Variants in TFEB observed in about 807,000 individuals in gnomAD.
TFEB encodes transcription factor EB.
Under a neutral mutation model 48.0 loss-of-function variants are expected in TFEB, and 12 were observed. The ratio of observed to expected loss-of-function variants is 0.25; its 90% CI spans 0.16 to 0.40. The LOEUF is 0.40. Among genes scored for constraint, TFEB ranks in the 10% least tolerant of loss-of-function variants. The pLI is 1.00. For missense variants in TFEB, 509 were observed against 640.3 expected, an observed-to-expected ratio of 0.79 and a Z score of 2.21; for synonymous variants, 244 against 261.4, an observed-to-expected ratio of 0.93 and a Z score of 0.64.
Position 41,684,546 on chromosome 6 carries a change from G to A in TFEB, c.*53C>T. The A allele has an allele frequency of 6.7e-7, 1 of 1,498,610 alleles. No individual in the cohort carries two copies. Among genetic ancestry groups the A allele is most frequent in the Non-Finnish European group, 8.9e-7 (1 of 1,126,148 alleles). 92.8% of individuals were successfully genotyped at this position (1,498,610 alleles called of 1,614,324 possible). On this transcript the variant is annotated 3_prime_UTR_variant, in exon 9 of 9. Coordinates refer to ENST00000373033, the MANE Select transcript of TFEB (RefSeq NM_001271944.2). ...GAAGGGTGGGAGGGAGGTGCCCCTG[G>A]CCCTCCCAGCCCCCAGGCCGGCCCC...
intron 1 of TFEB, among the ~76,000 whole-genome samples, chr6:41,711,531 G>A (rs1442470839): frequency 6.6e-6 from 1 of 152,154 alleles, no homozygotes; most frequent in Non-Finnish European, 1.5e-5. Context: ...CTGTCCCCAA[G>A]GTCCAGCCCT....
chr6:41,690,732 G>C lies in TFEB; in HGVS notation c.399C>G (p.Ser133=). ...PGVRAGHVLS[S]SAGNSAPNSP... is the part of the protein sequence containing the mutation. Reference sequence around the variant, plus strand: ...TATTGGGAGCACTGTTGCCAGCGGAGGAGGACAGCACGTGTCCAGCTCGCA... The same window carrying C: ...TATTGGGAGCACTGTTGCCAGCGGACGAGGACAGCACGTGTCCAGCTCGCA... The change falls in exon 3 of 9, where the codon TCC becomes TCG. Residue 133 remains serine, a synonymous_variant. Coordinates refer to ENST00000373033, the MANE Select transcript of TFEB (RefSeq NM_001271944.2). 1 of 1,594,376 alleles carries C rather than the reference G, an allele frequency of 6.3e-7. No homozygotes were observed. Among genetic ancestry groups the C allele is most frequent in the South Asian group, 1.1e-5 (1 of 89,362 alleles).
rs1242766673 is a variant in TFEB, at chr6:41,724,296, T to C, written c.-23+11054A>G. Among the ~76,000 whole-genome samples, 1 of 152,184 alleles carries C rather than the reference T, an allele frequency of 6.6e-6. No homozygotes were observed. Among genetic ancestry groups the C allele is most frequent in the African/African-American group, 2.4e-5 (1 of 41,434 alleles). ...TCCCATCGTTGATAAGCAAATACCC[T>C]GTATTAAGAAAGGTTAAGCTATTAT... On this transcript the variant is annotated intron_variant, in intron 1 of 8. Coordinates refer to ENST00000373033, the MANE Select transcript of TFEB (RefSeq NM_001271944.2). The surrounding 1 kb of genome is among the most constrained non-coding windows in gnomAD (Gnocchi z 4.4).
chr6:41,704,671 C>T (rs1178570338), intron 1 of TFEB, among the ~76,000 whole-genome samples: 1 of 152,244 alleles, frequency 6.6e-6, no homozygotes, highest in Non-Finnish European at 1.5e-5. Context: ...ACATTAAAGA[C>T]ACTTTACTTG....
At chr6:41,711,648 G>C in intron 1 of TFEB, among the ~76,000 whole-genome samples, 1 of 152,204 alleles carries the variant, frequency 6.6e-6, no homozygotes, top group South Asian at 2.1e-4. Context: ...GACAGACAGG[G>C]GAACAAAAGG....
At chr6:41,689,853 G>T (rs1428105208) in intron 3 of TFEB, 42 bp from the exon 4 acceptor site, 3 of 1,544,372 alleles carry the variant, frequency 1.9e-6, no homozygotes, top group Middle Eastern at 1.7e-4. Flanking sequence ...CCCACCACGA[G>T]GTGGGCAGGG....
chr6:41,734,405 A>G lies in TFEB; in HGVS notation c.-23+945T>C, dbSNP rs2127282563. 1.0e-6 allele frequency: 1 copy of G among 984,600 alleles called. No individual in the cohort carries two copies. Among genetic ancestry groups the G allele is most frequent in the Admixed American group, 6.2e-5 (1 of 16,258 alleles). 61.0% of individuals were successfully genotyped at this position (984,600 alleles called of 1,614,324 possible). A position where few individuals can be genotyped will look rare whatever the true frequency, so the allele number is the denominator to read the frequency against. ...TCGGGGCAGCCGTGCGTGAAGCCGG[A>G]ACCCCGCGCGGGGAGGGGGCCGAGC... On this transcript the variant is annotated intron_variant, in intron 1 of 8. Coordinates refer to ENST00000373033, the MANE Select transcript of TFEB (RefSeq NM_001271944.2). This position sits in a 1 kb window ranked among gnomAD's most constrained non-coding sequence, Gnocchi z 4.0.
intron 1 of TFEB, 146 bp downstream of exon 1, chr6:41,735,204 T>A: frequency 1.1e-6 from 1 of 896,020 alleles, no homozygotes; most frequent in Non-Finnish European, 1.3e-6. Flanking sequence ...TGCGGGTGGG[T>A]GGCGGCGCGC....
intron 1 of TFEB, among the ~76,000 whole-genome samples, chr6:41,699,687 T>C (rs1005120964): frequency 1.3e-5 from 2 of 152,220 alleles, no homozygotes; most frequent in Non-Finnish European, 2.9e-5. Context: ...CTTCATAATA[T>C]AGCCTTTTAT....
rs1207976107 is a variant in TFEB at position 41,684,852 on chromosome 6, T to G, written c.1178A>C (p.His393Pro). Reference sequence around the variant, plus strand: ...GCTCAGGCTGTGGCTGAAGTCCAGGTGATGGAATGGGGATGGTGGCTGGGT... The same window carrying G: ...GCTCAGGCTGTGGCTGAAGTCCAGGGGATGGAATGGGGATGGTGGCTGGGT... ...LPTQPPSPFH[H>P]LDFSHSLSFG... Residue 393 changes from histidine to proline, a missense_variant, in exon 9 of 9, where the codon CAC becomes CCC. Transcript: ENST00000373033. The G allele has an allele frequency of 6.3e-7, 1 of 1,577,776 alleles. No individual in the cohort carries two copies. Among genetic ancestry groups the G allele is most frequent in the Non-Finnish European group, 8.6e-7 (1 of 1,159,994 alleles).
chr6:41,715,656 C>T (rs909519065), intron 1 of TFEB, among the ~76,000 whole-genome samples: 6 of 149,264 alleles, frequency 4.0e-5, no homozygotes, highest in Non-Finnish European at 7.4e-5. Flanking sequence ...GGCGACAGAG[C>T]GAGAATCTGT....
intron 1 of TFEB, among the ~76,000 whole-genome samples, chr6:41,721,780 C>T (rs145012709): frequency 2.6e-5 from 4 of 152,318 alleles, no homozygotes; most frequent in Non-Finnish European, 5.9e-5. Flanking sequence ...GAAACTGAGG[C>T]CTGAGGCCAA....
intron 1 of TFEB, among the ~76,000 whole-genome samples, chr6:41,698,758 T>C (rs1302042032): frequency 6.6e-6 from 1 of 152,104 alleles, no homozygotes; most frequent in Non-Finnish European, 1.5e-5. Flanking sequence ...AAGGAAGGGC[T>C]TTGTGGCCTC....
At chr6:41,711,797 T>C (rs1770491614) in intron 1 of TFEB, among the ~76,000 whole-genome samples, 1 of 152,134 alleles carries the variant, frequency 6.6e-6, no homozygotes, top group South Asian at 2.1e-4. Flanking sequence ...ACCCTCACCT[T>C]GGCAGGGGGG....
Position 41,728,528 on chromosome 6 carries a change from CA to C in TFEB, c.-23+6821del, listed in dbSNP as rs746478090. Among the ~76,000 whole-genome samples the C allele has an allele frequency of 3.2e-3, 493 of 152,266 alleles. 1 individual carries two copies. Among genetic ancestry groups the C allele is most frequent in the Non-Finnish European group, 4.5e-3 (304 of 68,012 alleles). On this transcript the variant is annotated intron_variant, in intron 1 of 8. Coordinates refer to ENST00000373033, the MANE Select transcript of TFEB (RefSeq NM_001271944.2). Reference sequence around the variant, plus strand: ...ACAGTATAGTGTGTCACCTCCTGGCCACTCTGCACCCCTCAGGGACTGTGGG... The same window carrying C: ...ACAGTATAGTGTGTCACCTCCTGGCCCTCTGCACCCCTCAGGGACTGTGGG...
intron 1 of TFEB, among the ~76,000 whole-genome samples, chr6:41,718,076 G>A (rs1770813524): frequency 6.6e-6 from 1 of 152,194 alleles, no homozygotes; most frequent in African/African-American, 2.4e-5. Flanking sequence ...ACAAGGTGAT[G>A]CTATGATTTA....
At chr6:41,721,004 G>A (rs1304975191) in intron 1 of TFEB, among the ~76,000 whole-genome samples, 1 of 151,988 alleles carries the variant, frequency 6.6e-6, no homozygotes, top group Non-Finnish European at 1.5e-5. Context: ...TTTCCAGGTA[G>A]CTCTCCAGCC....
chr6:41,703,432 G>T (rs1211035884), intron 1 of TFEB, among the ~76,000 whole-genome samples: 2 of 152,126 alleles, frequency 1.3e-5, no homozygotes, highest in African/African-American at 4.8e-5. Context: ...CCAGTGCCTG[G>T]CTCCTGCCCC....
intron 1 of TFEB, among the ~76,000 whole-genome samples, chr6:41,707,334 C>G (rs1223642409): frequency 6.6e-6 from 1 of 152,200 alleles, no homozygotes; most frequent in Admixed American, 6.5e-5. Flanking sequence ...ATGGCACAGG[C>G]AGACACACTC....
Sources: allele counts gnomAD v4.1 joint callset (sites outside exome capture counted in the v4.1 genomes callset), GRCh38; gene constraint gnomAD v4.1.1; non-coding constraint Gnocchi (gnomAD v3.1); transcripts MANE v1.5; gene names NCBI Gene and HGNC (gene_info 2026-07-23, HGNC 2026-07-21).